The following CTIF variants were observed in gnomAD, a reference collection of about 807,000 sequenced individuals.
The protein encoded by CTIF is cap binding complex dependent translation initiation factor, also known as CBP80/20-dependent translation initiation factor.
In CTIF, 21 loss-of-function variants were observed where a neutral mutation model predicts 66.0. The observed-to-expected ratio is 0.32, with a 90% CI of 0.23 to 0.46. The LOEUF is 0.46. CTIF is among the 20% of genes least tolerant of loss of function. CTIF has a pLI of 1.00. For missense variants in CTIF, 739 were observed against 812.7 expected, an observed-to-expected ratio of 0.91 and a Z score of 1.10; for synonymous variants, 345 against 326.4, an observed-to-expected ratio of 1.06 and a Z score of -0.62.
At chr18:48,619,851 G>T (rs1445388914) in intron 2 of CTIF, 106 bp downstream of exon 2, 3 of 1,099,582 alleles carry the variant, frequency 2.7e-6, no homozygotes, top group Admixed American at 6.5e-5. Flanking sequence ...GACCGCCAAG[G>T]CATGAATGGT....
intron 5 of CTIF, among the ~76,000 whole-genome samples, chr18:48,669,757 TAC>T (rs1179571180): frequency 2.4e-5 from 3 of 127,652 alleles, no homozygotes; most frequent in African/African-American, 8.4e-5. Context: ...ACAAGAAATA[TAC>T]ACACACACAT....
chr18:48,853,669 T>C (rs2069259232), intron 10 of CTIF, among the ~76,000 whole-genome samples: 1 of 152,224 alleles, frequency 6.6e-6, no homozygotes, highest in Admixed American at 6.5e-5. Context: ...TGAAAGTGGC[T>C]CTGGCCAATC....
At chr18:48,815,814 G>C (rs971055645) in intron 9 of CTIF, among the ~76,000 whole-genome samples, 3 of 152,214 alleles carry the variant, frequency 2.0e-5, no homozygotes, top group Admixed American at 2.0e-4. Flanking sequence ...GGACTGGGCT[G>C]TGGGAATGCT....
intron 6 of CTIF, chr18:48,682,927 A>T (rs923222189): frequency 6.6e-6 from 1 of 152,268 alleles, no homozygotes; most frequent in Non-Finnish European, 1.5e-5. Flanking sequence ...CAAAGCCAAC[A>T]CCTGGGGTGG....
At position 48,643,548 on chromosome 18, in the gene CTIF, T is replaced by C. The variant is rs371536388; in HGVS notation, c.252+6863T>C. On this transcript the variant is annotated intron_variant, in intron 3 of 11. Coordinates refer to ENST00000256413, the MANE Select transcript of CTIF (RefSeq NM_014772.3). ...CAAAGCAGATCAGATAATTTATTTA[T>C]GGCCAGTTTTTAAAAAGAAAGGCAG... Among the ~76,000 whole-genome samples the C allele has an allele frequency of 1.4e-4, 22 of 152,084 alleles. 1 individual carries two copies. Among genetic ancestry groups the C allele is most frequent in the East Asian group, 5.8e-4 (3 of 5,200 alleles).
At chr18:48,578,929 C>A (rs998922665) in intron 1 of CTIF, among the ~76,000 whole-genome samples, 1 of 152,196 alleles carries the variant, frequency 6.6e-6, no homozygotes, top group Non-Finnish European at 1.5e-5. Flanking sequence ...TCCAAGGTCA[C>A]AACAATTTAC....
chr18:48,717,718 T>G (rs2092295798), intron 7 of CTIF, among the ~76,000 whole-genome samples: 1 of 152,138 alleles, frequency 6.6e-6, no homozygotes, highest in Non-Finnish European at 1.5e-5. Context: ...GCAAGCCTCT[T>G]GAAACACCCC....
At chr18:48,546,138 A>C (rs1220641304) in intron 1 of CTIF, among the ~76,000 whole-genome samples, 1 of 152,228 alleles carries the variant, frequency 6.6e-6, no homozygotes, top group Non-Finnish European at 1.5e-5. Context: ...ATATGAAGCC[A>C]CTAAAAAGCT....
intron 6 of CTIF, among the ~76,000 whole-genome samples, chr18:48,691,333 G>A (rs2091922698): frequency 6.6e-6 from 1 of 152,166 alleles, no homozygotes; most frequent in Non-Finnish European, 1.5e-5. Flanking sequence ...TCCAGGGCCT[G>A]TGTATAGCTT....
At chr18:48,547,837 A>G (rs537644304) in intron 1 of CTIF, among the ~76,000 whole-genome samples, 1 of 152,298 alleles carries the variant, frequency 6.6e-6, no homozygotes, top group African/African-American at 2.4e-5. Context: ...GCAGTCTGTG[A>G]TGGGGGAGTT....
intron 6 of CTIF, among the ~76,000 whole-genome samples, chr18:48,680,516 C>A (rs577007552): frequency 3.5e-4 from 53 of 152,382 alleles, no homozygotes; most frequent in African/African-American, 1.2e-3. Context: ...AGTGAGCAGG[C>A]CCCAGGCTGG....
At chr18:48,590,425 G>A (rs1009194612) in intron 1 of CTIF, among the ~76,000 whole-genome samples, 6 of 152,248 alleles carry the variant, frequency 3.9e-5, no homozygotes, top group Admixed American at 6.5e-5. Context: ...GGAAGAAAGT[G>A]AGCAAACACC....
At chr18:48,811,255 T>C (rs894067616) in intron 9 of CTIF, among the ~76,000 whole-genome samples, 1 of 152,226 alleles carries the variant, frequency 6.6e-6, no homozygotes, top group Non-Finnish European at 1.5e-5. Flanking sequence ...TAACCAAAAT[T>C]ATAATGACTT....
At chr18:48,625,996 C>CTTTT (rs769138284) in intron 2 of CTIF, among the ~76,000 whole-genome samples, 3 of 114,480 alleles carry the variant, frequency 2.6e-5, no homozygotes, top group African/African-American at 1.1e-4. Flanking sequence ...ATTTCTTTTT[C>CTTTT]TTTCTTTTTT....
At chr18:48,817,139 A>G (rs112212864) in intron 9 of CTIF, 82 bp from the exon 10 acceptor site, 56 of 1,410,774 alleles carry the variant, frequency 4.0e-5, no homozygotes, top group Admixed American at 1.6e-4. Context: ...GCCCCAAGAC[A>G]ACAGATGCTC....
intron 6 of CTIF, among the ~76,000 whole-genome samples, chr18:48,703,560 G>C (rs901442272): frequency 1.3e-5 from 2 of 152,244 alleles, no homozygotes; most frequent in Non-Finnish European, 2.9e-5. Flanking sequence ...AATAGACCTA[G>C]AGATAGTTAG....
At chr18:48,723,644 C>G (rs888762725) in intron 7 of CTIF, among the ~76,000 whole-genome samples, 2 of 152,162 alleles carry the variant, frequency 1.3e-5, no homozygotes, top group Non-Finnish European at 2.9e-5. Context: ...GCTGTTGGCT[C>G]CCCTGACTCC....
intron 1 of CTIF, among the ~76,000 whole-genome samples, chr18:48,580,749 A>G (rs1037573316): frequency 1.3e-5 from 2 of 152,026 alleles, no homozygotes; most frequent in South Asian, 2.1e-4. Context: ...TCCTCCTCCC[A>G]TCCTGAGGAG....
intron 6 of CTIF, among the ~76,000 whole-genome samples, chr18:48,700,870 AC>A (rs1281161494): frequency 6.6e-6 from 1 of 152,190 alleles, no homozygotes; most frequent in East Asian, 1.9e-4. Context: ...CAGCATGCTC[AC>A]AGGGCACCGT....
Sources: gnomAD v4.1 joint callset for allele counts (sites outside exome capture counted in the v4.1 genomes callset) on GRCh38, gnomAD v4.1.1 for gene constraint, MANE v1.5 for transcripts, NCBI Gene and HGNC (gene_info 2026-07-23, HGNC 2026-07-21) for gene names.